The following FGF14 variants were observed in gnomAD, a reference collection of about 807,000 sequenced individuals.
The protein encoded by FGF14 is fibroblast growth factor 14, also known as fibroblast growth factor homologous factor 4.
A neutral mutation model predicts 25.5 loss-of-function variants in FGF14; 5 were observed. That is an observed-to-expected ratio of 0.20 (90% CI 0.10 to 0.41). FGF14 has a LOEUF of 0.41. Ranked by LOEUF, FGF14 falls within the 10% of genes least tolerant of loss-of-function variation. The pLI, the probability that FGF14 is intolerant of heterozygous loss-of-function variation, is 1.00. For synonymous variants in FGF14, 138 were observed against 118.3 expected (o/e 1.17, Z -1.08); for missense variants, 222 against 320.1 (o/e 0.69, Z 2.34).
chr13:101,795,232 G>A (rs188578796), intron 3 of FGF14, among the ~76,000 whole-genome samples: 9 of 152,188 alleles, frequency 5.9e-5, no homozygotes, highest in African/African-American at 2.2e-4. Context: ...TATAGAAATA[G>A]GGGACAGGCC....
chr13:102,321,675 A>G (rs1294601400), intron 1 of FGF14, among the ~76,000 whole-genome samples: 1 of 152,120 alleles, frequency 6.6e-6, no homozygotes, highest in Non-Finnish European at 1.5e-5. Flanking sequence ...TTAGGCCTTA[A>G]TGTGTTTTCT....
Position 101,954,252 on chromosome 13 carries a change from C to T in FGF14, c.209-78956G>A, listed in dbSNP as rs1594817156. ...TGACCAGGCGTGACCTTGACTTGTT[C>T]TGTTCAGTAAAATTAGTCCCTGAAG... On this transcript the variant is annotated intron_variant, in intron 1 of 4. Transcript: ENST00000376131. Among the ~76,000 whole-genome samples, 3 of 130,822 alleles carry T rather than the reference C, an allele frequency of 2.3e-5. No homozygotes were observed. In the South Asian group the frequency reaches 7.6e-4, roughly 33 times the overall value. The allele number at this position is 130,822 out of a possible 152,430, so 85.8% of individuals were successfully genotyped here. A position where few individuals can be genotyped will look rare whatever the true frequency, so the allele number is the denominator to read the frequency against.
intron 1 of FGF14, among the ~76,000 whole-genome samples, chr13:101,935,021 G>C: frequency 6.6e-6 from 1 of 152,048 alleles, no homozygotes; most frequent in South Asian, 2.1e-4. Context: ...TGCATAACTT[G>C]TTTTAGGCTC....
At chr13:101,766,449 A>C (rs1214808224) in intron 3 of FGF14, among the ~76,000 whole-genome samples, 1 of 152,188 alleles carries the variant, frequency 6.6e-6, no homozygotes, top group Non-Finnish European at 1.5e-5. Flanking sequence ...ATATTTATTT[A>C]GCAGACTCTT....
At chr13:102,231,212 A>C (rs1161430962) in intron 1 of FGF14, among the ~76,000 whole-genome samples, 2 of 152,240 alleles carry the variant, frequency 1.3e-5, no homozygotes, top group Admixed American at 1.3e-4. Context: ...TGAATTTTAA[A>C]TTAATGGTGA....
At chr13:101,862,595 T>C (rs1197552700) in intron 3 of FGF14, among the ~76,000 whole-genome samples, 1 of 152,166 alleles carries the variant, frequency 6.6e-6, no homozygotes, top group Non-Finnish European at 1.5e-5. Context: ...TTCTTTTCCT[T>C]TCCAGTTAGT....
chr13:102,314,805 T>C (rs2055937759), intron 1 of FGF14, among the ~76,000 whole-genome samples: 1 of 152,118 alleles, frequency 6.6e-6, no homozygotes, highest in Non-Finnish European at 1.5e-5. Context: ...TGAAAGCAAG[T>C]ACTTGCTCAC....
In FGF14 at chr13:102,043,355, T is replaced by C. The variant is rs117501326; in HGVS notation, c.209-168059A>G. On this transcript the variant is annotated intron_variant, in intron 1 of 4. Transcript: ENST00000376131. ...CACTCAGATGACTTATTCTTCCAATTGGAACCAGGCTGCATTAAATCACAA... is the reference window on the plus strand; with the variant it reads ...CACTCAGATGACTTATTCTTCCAATCGGAACCAGGCTGCATTAAATCACAA... Among the ~76,000 whole-genome samples, 564 of 152,266 alleles carry C rather than the reference T, an allele frequency of 3.7e-3. 3 individuals carry two copies. The highest frequency in any genetic ancestry group is 6.1e-3 in the Non-Finnish European group (418 of 68,020).
At chr13:101,950,638 T>G (rs919679149) in intron 1 of FGF14, among the ~76,000 whole-genome samples, 6 of 152,154 alleles carry the variant, frequency 3.9e-5, no homozygotes, top group African/African-American at 1.4e-4. Context: ...TCAAAATGCC[T>G]TTTCGTTCAA....
intron 3 of FGF14, among the ~76,000 whole-genome samples, chr13:101,832,531 G>A (rs553923520): frequency 2.0e-5 from 3 of 151,988 alleles, no homozygotes; most frequent in Non-Finnish European, 4.4e-5. Flanking sequence ...GAGATCAGCT[G>A]GACTTGATAG....
At chr13:102,132,214 C>A (rs534869689) in intron 1 of FGF14, among the ~76,000 whole-genome samples, 1 of 152,262 alleles carries the variant, frequency 6.6e-6, no homozygotes, top group Admixed American at 6.5e-5. Context: ...TGGAAACACA[C>A]TGCAGAATAG....
chr13:102,232,008 T>C (rs1262800576), intron 1 of FGF14, among the ~76,000 whole-genome samples: 2 of 152,178 alleles, frequency 1.3e-5, no homozygotes, highest in African/African-American at 4.8e-5. Context: ...TATATTAGAG[T>C]GTGCTGTGGT....
chr13:101,899,455 G>GA (rs1334951543), intron 1 of FGF14, among the ~76,000 whole-genome samples: 1 of 151,894 alleles, frequency 6.6e-6, no homozygotes, highest in African/African-American at 2.4e-5. Flanking sequence ...TTTAAAACTG[G>GA]AAAAAAATAT....
chr13:101,820,656 T>C (rs1316714712), intron 3 of FGF14, among the ~76,000 whole-genome samples: 1 of 152,178 alleles, frequency 6.6e-6, no homozygotes, highest in South Asian at 2.1e-4. Flanking sequence ...ACTTTGAAAG[T>C]GCTTTCTTAG....
At chr13:102,284,925 C>T (rs2054020405) in intron 1 of FGF14, among the ~76,000 whole-genome samples, 1 of 151,952 alleles carries the variant, frequency 6.6e-6, no homozygotes, top group African/African-American at 2.4e-5. Context: ...CTCTCTCTCT[C>T]CCCCTCCGTC....
intron 2 of FGF14, among the ~76,000 whole-genome samples, chr13:101,874,178 G>A (rs1311087048): frequency 1.3e-5 from 2 of 151,768 alleles, no homozygotes; most frequent in African/African-American, 2.4e-5. Context: ...ATTTAAAAAA[G>A]GAAGTGCTGA....
chr13:102,268,109 G>A (rs1002476101), intron 1 of FGF14, among the ~76,000 whole-genome samples: 1 of 152,112 alleles, frequency 6.6e-6, no homozygotes, highest in South Asian at 2.1e-4. Context: ...TAGAAAAGCT[G>A]CCATAATAGT....
chr13:102,000,143 G>A (rs982315257), intron 1 of FGF14, among the ~76,000 whole-genome samples: 10 of 151,946 alleles, frequency 6.6e-5, no homozygotes, highest in East Asian at 3.9e-4. Flanking sequence ...GTAAAACCCC[G>A]TCTCTACTAA....
intron 1 of FGF14, among the ~76,000 whole-genome samples, chr13:102,000,649 T>C (rs2039442633): frequency 6.6e-6 from 1 of 152,210 alleles, no homozygotes; most frequent in African/African-American, 2.4e-5. Context: ...ATCTAGTCCA[T>C]ACTTTTTGCT....
Sources: gnomAD v4.1 joint callset for allele counts (sites outside exome capture counted in the v4.1 genomes callset) on GRCh38, gnomAD v4.1.1 for gene constraint, MANE v1.5 for transcripts, NCBI Gene and HGNC (gene_info 2026-07-23, HGNC 2026-07-21) for gene names.